The following PADI4 variants were observed in gnomAD, a reference collection of about 807,000 sequenced individuals.
PADI4 encodes the protein peptidyl arginine deiminase 4.
In PADI4, 62 loss-of-function variants were observed where a neutral mutation model predicts 75.0. That is an observed-to-expected ratio of 0.83 (90% CI 0.67 to 1.02). The LOEUF is 1.02. Ranked by LOEUF, PADI4 falls within the 50% of genes least tolerant of loss-of-function variation. PADI4 has a pLI of 0.00. For synonymous variants in PADI4, 361 were observed against 348.1 expected, an observed-to-expected ratio of 1.04 and a Z score of -0.41; for missense variants, 845 against 850.5, an observed-to-expected ratio of 0.99 and a Z score of 0.08.
intron 8 of PADI4, among the ~76,000 whole-genome samples, chr1:17,344,703 A>G (rs2074484633): frequency 6.6e-6 from 1 of 152,210 alleles, no homozygotes; most frequent in South Asian, 2.1e-4. Flanking sequence ...CAGCTTCCAC[A>G]TGGTGTTGAG....
At chr1:17,310,192 G>A (rs2073794614) in intron 1 of PADI4, among the ~76,000 whole-genome samples, 1 of 151,900 alleles carries the variant, frequency 6.6e-6, no homozygotes, top group South Asian at 2.1e-4. Flanking sequence ...ATGGCCTTGG[G>A]AGGCAGGTAA....
chr1:17,318,658 A>G (rs1387813516), intron 1 of PADI4, among the ~76,000 whole-genome samples: 1 of 151,374 alleles, frequency 6.6e-6, no homozygotes, highest in African/African-American at 2.4e-5. Context: ...TCATATGCAC[A>G]CAAGGCGAAA....
intron 1 of PADI4, among the ~76,000 whole-genome samples, chr1:17,320,597 C>T (rs564022971): frequency 5.9e-5 from 9 of 152,252 alleles, no homozygotes; most frequent in Middle Eastern, 3.4e-3. Context: ...CCATAGTATC[C>T]GTAAACTGTC....
Position 17,334,121 on chromosome 1 carries a change from A to G in PADI4, c.340+112A>G, listed in dbSNP as rs369237226. ...ACCTGGAGCTTACTTTAGACTGAGT[A>G]GAGAAAAAGCATGGTTTCTAGCCAG... On this transcript the variant is annotated intron_variant, in intron 3 of 15. Coordinates refer to ENST00000375448, the MANE Select transcript of PADI4 (RefSeq NM_012387.3). 578 of 712,126 alleles carry G rather than the reference A, an allele frequency of 8.1e-4. 4 individuals are homozygous for G. In the South Asian group the frequency reaches 8.9e-3, roughly 11 times the overall value. 44.1% of individuals were successfully genotyped at this position (712,126 alleles called of 1,614,324 possible). A position where few individuals can be genotyped will look rare whatever the true frequency, so the allele number is the denominator to read the frequency against.
rs1415023767 is a variant in PADI4 at position 17,331,074 on chromosome 1, C to G, written c.198C>G (p.Ser66=). The G allele has an allele frequency of 6.2e-7, 1 of 1,612,182 alleles. No individual in the cohort carries two copies. The highest frequency in any genetic ancestry group is 2.2e-5 in the East Asian group (1 of 44,746). The change falls in exon 2 of 16, where the codon TCC becomes TCG. Residue 66 remains serine, a synonymous_variant. Transcript: ENST00000375448. The part of the protein sequence containing the change: ...PPAKKKSTGS[S]TWPLDPGVEV... The stretch of plus-strand genomic sequence containing the variant: ...CCAAGAAGAAATCCACAGGTTCCTC[C>G]ACATGGCCCCTGGACCCTGGGGTAG...
In PADI4 at chr1:17,314,460, C is replaced by T. The variant is rs182390170; in HGVS notation, c.92+6146C>T. 3.3e-3 allele frequency among the ~76,000 whole-genome samples: 506 copies of T among 152,358 alleles called. 2 individuals are homozygous for T. Among genetic ancestry groups the T allele is most frequent in the African/African-American group, 0.012 (482 of 41,590 alleles). The stretch of plus-strand genomic sequence containing the variant: ...CCTGAGCAGAAATGCACCAGAGCCA[C>T]TGGGGCATCTCCTGGCCGGGAACTG... On this transcript the variant is annotated intron_variant, in intron 1 of 15. Coordinates refer to ENST00000375448, the MANE Select transcript of PADI4 (RefSeq NM_012387.3).
intron 15 of PADI4, 107 bp from the exon 16 acceptor site, chr1:17,363,415 C>T: frequency 1.4e-6 from 1 of 738,926 alleles, no homozygotes; most frequent in Non-Finnish European, 2.3e-6. Context: ...GAGCCACCAC[C>T]CCTGGAGGGG....
intron 4 of PADI4, among the ~76,000 whole-genome samples, chr1:17,337,639 CG>C (rs1454273253): frequency 1.3e-5 from 2 of 151,178 alleles, no homozygotes; most frequent in Non-Finnish European, 2.9e-5. Context: ...TGATGGGGGC[CG>C]GGCGTGGTGG....
rs1157684315 is a variant in PADI4 at position 17,345,356 on chromosome 1, T to C, written c.936-672T>C. On this transcript the variant is annotated intron_variant, in intron 8 of 15. Transcript: ENST00000375448. The stretch of plus-strand genomic sequence containing the variant: ...GCCCTGTCTCAGATGAGATTTTGGA[T>C]TGTGAACTTTTGGGTTAATGCTGAA... Among the ~76,000 whole-genome samples the C allele has an allele frequency of 2.6e-5, 4 of 152,320 alleles. No individual in the cohort carries two copies. The East Asian group carries it at 5.8e-4, about 22-fold the overall frequency.
intron 1 of PADI4, among the ~76,000 whole-genome samples, chr1:17,324,156 T>G (rs1398248263): frequency 8.3e-5 from 8 of 96,108 alleles, no homozygotes; most frequent in Non-Finnish European, 1.3e-4. Flanking sequence ...GTTTTTTTTG[T>G]TTTTTTTTTT....
chr1:17,361,860 T>C (rs980571450), intron 15 of PADI4, among the ~76,000 whole-genome samples: 2 of 152,234 alleles, frequency 1.3e-5, no homozygotes, highest in South Asian at 4.1e-4. Flanking sequence ...CAGTCATTTA[T>C]CTGTCTAGTC....
intron 10 of PADI4, among the ~76,000 whole-genome samples, chr1:17,351,609 C>CAAAA (rs56047360): frequency 4.1e-5 from 4 of 98,024 alleles, no homozygotes; most frequent in African/African-American, 8.9e-5. Context: ...GACCTGGTCT[C>CAAAA]AAAAAAAAAA....
intron 8 of PADI4, 79 bp from the exon 9 acceptor site, chr1:17,345,949 C>G: frequency 1.1e-6 from 1 of 927,442 alleles, no homozygotes. Context: ...CCCTGAGCCA[C>G]CTGTGTGTCC....
intron 2 of PADI4, among the ~76,000 whole-genome samples, chr1:17,332,231 TCTC>T (rs1379901370): frequency 6.6e-6 from 1 of 151,990 alleles, no homozygotes; most frequent in Non-Finnish European, 1.5e-5. Context: ...TCCAGGGTGA[TCTC>T]CTCATCTCAA....
intron 3 of PADI4, 47 bp from the exon 4 acceptor site, chr1:17,336,112 A>C: frequency 3.5e-6 from 5 of 1,423,332 alleles, no homozygotes; most frequent in Non-Finnish European, 5.0e-6. Context: ...TGGGTGCCCC[A>C]ACCCCGGACC....
intron 9 of PADI4, 35 bp from the exon 10 acceptor site, chr1:17,347,906 A>T (rs1290778105): frequency 1.6e-6 from 2 of 1,265,618 alleles, no homozygotes; most frequent in African/African-American, 3.0e-5. Flanking sequence ...CCCAGGCAGC[A>T]CGCGCAACAG....
chr1:17,353,902 G>T (rs2074713082), intron 10 of PADI4, among the ~76,000 whole-genome samples: 1 of 152,136 alleles, frequency 6.6e-6, no homozygotes, highest in Non-Finnish European at 1.5e-5. Flanking sequence ...CTGGACTTAA[G>T]CCCAGTGGAA....
At chr1:17,309,607 G>A (rs1359697440) in intron 1 of PADI4, among the ~76,000 whole-genome samples, 1 of 152,208 alleles carries the variant, frequency 6.6e-6, no homozygotes, top group Non-Finnish European at 1.5e-5. Context: ...AGGAATAGGA[G>A]TGGTTGCCCC....
intron 8 of PADI4, among the ~76,000 whole-genome samples, chr1:17,344,216 A>C (rs1344788066): frequency 6.6e-6 from 1 of 152,150 alleles, no homozygotes; most frequent in Non-Finnish European, 1.5e-5. Context: ...AGATTTGTGG[A>C]ACTTTGAACT....
Sources: gnomAD v4.1 joint callset for allele counts (sites outside exome capture counted in the v4.1 genomes callset) on GRCh38, gnomAD v4.1.1 for gene constraint, MANE v1.5 for transcripts, NCBI Gene and HGNC (gene_info 2026-07-23, HGNC 2026-07-21) for gene names.